SLCO1B1: variants seen among roughly 807,000 people sequenced by gnomAD.
SLCO1B1 encodes the protein OATP-2.
Under a neutral mutation model 70.1 loss-of-function variants are expected in SLCO1B1, and 81 were observed. The observed-to-expected ratio is 1.16, with a 90% CI of 0.97 to 1.39. SLCO1B1 has a LOEUF of 1.39. SLCO1B1 is among the 40% of genes most tolerant of loss of function. The pLI, the probability that SLCO1B1 is intolerant of heterozygous loss-of-function variation, is 0.00. For synonymous variants in SLCO1B1, 283 were observed against 271.5 expected (o/e 1.04, Z -0.42); for missense variants, 895 against 799.6 (o/e 1.12, Z -1.44).
chr12:21,176,522 C>A (rs1333499503), intron 4 of SLCO1B1, among the ~76,000 whole-genome samples: 1 of 151,922 alleles, frequency 6.6e-6, no homozygotes, highest in Non-Finnish European at 1.5e-5. Flanking sequence ...AAGATATAAC[C>A]ACTCCTAGGA....
intron 11 of SLCO1B1, among the ~76,000 whole-genome samples, chr12:21,213,435 C>A (rs1466724517): frequency 6.6e-6 from 1 of 151,380 alleles, no homozygotes; most frequent in African/African-American, 2.4e-5. Flanking sequence ...GAGAGATCCG[C>A]TGTTAGTCTG....
At chr12:21,225,058 A>C (rs71581942) in intron 14 of SLCO1B1, among the ~76,000 whole-genome samples, 3 of 152,262 alleles carry the variant, frequency 2.0e-5, no homozygotes, top group Non-Finnish European at 2.9e-5. Context: ...TATACGAAGA[A>C]ACTGTGATTC....
intron 14 of SLCO1B1, among the ~76,000 whole-genome samples, chr12:21,236,669 A>G (rs1385834903): frequency 6.6e-6 from 1 of 152,182 alleles, no homozygotes; most frequent in African/African-American, 2.4e-5. Flanking sequence ...GGGGTTGATT[A>G]TTACCAGGCT....
At chr12:21,213,977 T>C in intron 11 of SLCO1B1, among the ~76,000 whole-genome samples, 1 of 150,892 alleles carries the variant, frequency 6.6e-6, no homozygotes, top group African/African-American at 2.4e-5. Flanking sequence ...TAAATTTTTT[T>C]CAAAGTTTTC....
chr12:21,179,593 C>A (rs1355110088), intron 7 of SLCO1B1, among the ~76,000 whole-genome samples: 1 of 152,158 alleles, frequency 6.6e-6, no homozygotes, highest in Non-Finnish European at 1.5e-5. Flanking sequence ...TACTTTCCTT[C>A]TTATCTCATA....
chr12:21,206,437 A>C (rs957953283), intron 11 of SLCO1B1, among the ~76,000 whole-genome samples: 1 of 151,936 alleles, frequency 6.6e-6, no homozygotes. Flanking sequence ...TTCCTATCTT[A>C]CTAAGACAAC....
chr12:21,232,077 C>T (rs1287730404), intron 14 of SLCO1B1, among the ~76,000 whole-genome samples: 1 of 151,996 alleles, frequency 6.6e-6, no homozygotes, highest in Non-Finnish European at 1.5e-5. Context: ...AACGAAAATT[C>T]AAGAAGGGAA....
chr12:21,217,667 A>G (rs565320992), intron 12 of SLCO1B1, among the ~76,000 whole-genome samples: 29 of 152,272 alleles, frequency 1.9e-4, no homozygotes, highest in Admixed American at 1.8e-3. Context: ...GGGTAAATCT[A>G]TTGATTTCAC....
At chr12:21,218,744 GA>G in intron 12 of SLCO1B1, among the ~76,000 whole-genome samples, 1 of 152,108 alleles carries the variant, frequency 6.6e-6, no homozygotes, top group South Asian at 2.1e-4. Flanking sequence ...TCATGAGTTT[GA>G]AAAAACACTG....
chr12:21,147,448 A>G (rs771099178), intron 2 of SLCO1B1, among the ~76,000 whole-genome samples: 6 of 151,870 alleles, frequency 4.0e-5, no homozygotes, highest in Non-Finnish European at 8.8e-5. Context: ...CCAACCCCCA[A>G]CAGGTGCTGG....
chr12:21,200,770 G>A (rs954077122), intron 9 of SLCO1B1, 98 bp downstream of exon 9: 33 of 997,614 alleles, frequency 3.3e-5, no homozygotes, highest in Middle Eastern at 3.1e-4. Context: ...TTGTATTTTA[G>A]TAATACAGGA....
chr12:21,193,731 C>T (rs1463133390), intron 7 of SLCO1B1, among the ~76,000 whole-genome samples: 1 of 152,092 alleles, frequency 6.6e-6, no homozygotes, highest in Middle Eastern at 3.2e-3. Flanking sequence ...AAGCAGCCAA[C>T]CTATATCCTT....
chr12:21,156,352 C>A (rs145748978), intron 2 of SLCO1B1, among the ~76,000 whole-genome samples: 8 of 152,062 alleles, frequency 5.3e-5, no homozygotes, highest in East Asian at 3.9e-4. Context: ...AGTAAAAGAA[C>A]CTTAAAATTT....
chr12:21,168,938 A>C (rs1249937748), intron 2 of SLCO1B1, among the ~76,000 whole-genome samples: 2 of 152,112 alleles, frequency 1.3e-5, no homozygotes, highest in African/African-American at 4.8e-5. Context: ...ATCACATTTT[A>C]AAAATTGCCA....
intron 2 of SLCO1B1, among the ~76,000 whole-genome samples, chr12:21,169,792 C>G (rs1490787508): frequency 6.7e-6 from 1 of 150,222 alleles, no homozygotes; most frequent in Non-Finnish European, 1.5e-5. Context: ...TCTTTTTATA[C>G]TTTGTATTAT....
intron 11 of SLCO1B1, among the ~76,000 whole-genome samples, chr12:21,213,141 C>T (rs57079430): frequency 0.34 from 51,813 of 151,338 alleles, 9,222 homozygotes; most frequent in East Asian, 0.45. Flanking sequence ...CTTTAGTTGA[C>T]GCAGTTTCTT....
At chr12:21,194,207 G>A (rs1456790296) in intron 7 of SLCO1B1, among the ~76,000 whole-genome samples, 1 of 150,478 alleles carries the variant, frequency 6.6e-6, no homozygotes, top group Non-Finnish European at 1.5e-5. Context: ...AGTGGAGACG[G>A]GGTTTCTCCA....
intron 14 of SLCO1B1, among the ~76,000 whole-genome samples, chr12:21,228,004 T>A (rs1309955195): frequency 6.6e-6 from 1 of 152,104 alleles, no homozygotes; most frequent in Admixed American, 6.6e-5. Context: ...GTACTATATA[T>A]ATTTAATATG....
At position 21,160,476 on chromosome 12, in the gene SLCO1B1, A is replaced by G. The variant is rs545857017; in HGVS notation, c.85-12174A>G. On this transcript the variant is annotated intron_variant, in intron 2 of 14. Transcript: ENST00000256958. Reference sequence around the variant, plus strand: ...CCTTACACCATACATAAAAATTCTAAAAATTCAAATTATAAAAAAGGAAAA... The same window carrying G: ...CCTTACACCATACATAAAAATTCTAGAAATTCAAATTATAAAAAAGGAAAA... Among the ~76,000 whole-genome samples, 6 of 151,890 alleles carry G rather than the reference A, an allele frequency of 4.0e-5. No individual in the cohort carries two copies. The East Asian group carries it at 1.2e-3, about 29-fold the overall frequency.
Sources: gnomAD v4.1 joint callset for allele counts (sites outside exome capture counted in the v4.1 genomes callset) on GRCh38, gnomAD v4.1.1 for gene constraint, MANE v1.5 for transcripts, NCBI Gene and HGNC (gene_info 2026-07-23, HGNC 2026-07-21) for gene names.